PEAK1: variants seen among roughly 807,000 people sequenced by gnomAD.
PEAK1 encodes pseudopodium enriched atypical kinase 1.
Under a neutral mutation model 124.7 loss-of-function variants are expected in PEAK1, and 54 were observed. That is an observed-to-expected ratio of 0.43 (90% CI 0.35 to 0.54). The LOEUF is 0.54. Among genes scored for constraint, PEAK1 ranks in the 20% least tolerant of loss-of-function variants. The probability of loss-of-function intolerance (pLI) is 0.01; values close to 1 mark genes in which losing one functional copy is unlikely to be tolerated. For synonymous variants in PEAK1, 719 were observed against 760.0 expected, an observed-to-expected ratio of 0.95 and a Z score of 0.89; for missense variants, 2,046 against 2,134.5, an observed-to-expected ratio of 0.96 and a Z score of 0.82.
chr15:77,278,587 TA>T, intron 5 of PEAK1: 3 of 503,678 alleles, frequency 6.0e-6, no homozygotes, highest in Non-Finnish European at 4.0e-6. Context: ...AGACCAAGCC[TA>T]AAAAGGTCCC....
chr15:77,309,408 A>G (rs2064299702), intron 2 of PEAK1, among the ~76,000 whole-genome samples: 1 of 152,062 alleles, frequency 6.6e-6, no homozygotes, highest in Admixed American at 6.5e-5. Flanking sequence ...ATAATTAATG[A>G]CAGAATGTGC....
At chr15:77,203,267 T>C (rs1386448792) in intron 6 of PEAK1, among the ~76,000 whole-genome samples, 1 of 151,986 alleles carries the variant, frequency 6.6e-6, no homozygotes, top group East Asian at 1.9e-4. Flanking sequence ...TTGAAAAAAA[T>C]CTGCATGTAA....
chr15:77,407,920 TATAC>T (rs950979144), intron 1 of PEAK1, among the ~76,000 whole-genome samples: 36 of 150,024 alleles, frequency 2.4e-4, no homozygotes, highest in Non-Finnish European at 8.9e-5. Flanking sequence ...TATACACATA[TATAC>T]ATATATACAC....
chr15:77,348,978 C>T (rs2067043547), intron 2 of PEAK1: 1 of 938,782 alleles, frequency 1.1e-6, no homozygotes, highest in African/African-American at 1.8e-5. Flanking sequence ...GCCTTTCTTA[C>T]TTATAATTTA....
intron 2 of PEAK1, among the ~76,000 whole-genome samples, chr15:77,354,721 T>C: frequency 6.6e-6 from 1 of 152,168 alleles, no homozygotes; most frequent in Admixed American, 6.6e-5. Flanking sequence ...AAGTACGTTT[T>C]TGTCCATTAA....
At chr15:77,209,993 T>A (rs2058830014) in intron 6 of PEAK1, among the ~76,000 whole-genome samples, 1 of 152,246 alleles carries the variant, frequency 6.6e-6, no homozygotes, top group Non-Finnish European at 1.5e-5. Context: ...GCTCTGACAC[T>A]TTCCCTTTCT....
intron 7 of PEAK1, among the ~76,000 whole-genome samples, chr15:77,163,151 T>C (rs2055809537): frequency 6.6e-6 from 1 of 152,238 alleles, no homozygotes; most frequent in South Asian, 2.1e-4. Context: ...GCGTTCCTTC[T>C]GCTTTCACAG....
chr15:77,337,469 C>T (rs1380833032), intron 2 of PEAK1: 1 of 981,762 alleles, frequency 1.0e-6, no homozygotes, highest in Non-Finnish European at 1.2e-6. Flanking sequence ...GTAACATCAT[C>T]CAGAGATTAA....
At chr15:77,411,583 A>G (rs2072415883) in intron 1 of PEAK1, among the ~76,000 whole-genome samples, 1 of 152,154 alleles carries the variant, frequency 6.6e-6, no homozygotes, top group African/African-American at 2.4e-5. Flanking sequence ...TCATGTCCAC[A>G]TTCTCTAATA....
chr15:77,335,084 C>T (rs1165458127), intron 2 of PEAK1: 1 of 985,294 alleles, frequency 1.0e-6, no homozygotes, highest in East Asian at 1.1e-4. Context: ...TATAAGCAAA[C>T]TCTAGATCTA....
At chr15:77,300,939 C>G (rs1401890411) in intron 2 of PEAK1, among the ~76,000 whole-genome samples, 1 of 152,070 alleles carries the variant, frequency 6.6e-6, no homozygotes, top group Non-Finnish European at 1.5e-5. Context: ...GCAACCTCCG[C>G]CTTCCAGGTT....
At chr15:77,349,677 A>C (rs2067089835) in intron 2 of PEAK1, 3 of 984,614 alleles carry the variant, frequency 3.0e-6, no homozygotes, top group South Asian at 9.4e-5. Flanking sequence ...TCAATCCTTT[A>C]CATTGTCCTT....
chr15:77,407,134 G>C (rs2071892442), intron 1 of PEAK1, among the ~76,000 whole-genome samples: 1 of 152,140 alleles, frequency 6.6e-6, no homozygotes, highest in Non-Finnish European at 1.5e-5. Context: ...ATGAATCAAA[G>C]ATGTACATCT....
chr15:77,329,529 A>G (rs1025448891), intron 2 of PEAK1, among the ~76,000 whole-genome samples: 4 of 152,204 alleles, frequency 2.6e-5, no homozygotes, highest in African/African-American at 9.6e-5. Flanking sequence ...AGTTAGAGTA[A>G]GCAGGTTTAT....
intron 6 of PEAK1, among the ~76,000 whole-genome samples, chr15:77,200,967 A>G (rs1235650816): frequency 6.6e-6 from 1 of 151,960 alleles, no homozygotes; most frequent in Non-Finnish European, 1.5e-5. Flanking sequence ...TCTGGAGTAA[A>G]ATATATTATT....
At chr15:77,248,449 A>G (rs531347266) in intron 6 of PEAK1, among the ~76,000 whole-genome samples, 93 of 152,294 alleles carry the variant, frequency 6.1e-4, no homozygotes, top group Admixed American at 1.6e-3. Flanking sequence ...CTAATCCCCA[A>G]TGTGTTGTCA....
chr15:77,213,417 C>T lies in PEAK1; in HGVS notation c.-114-31377G>A, dbSNP rs115021966. On this transcript the variant is annotated intron_variant, in intron 6 of 9. Transcript: ENST00000682557. ...GTTTTGAAAACAGATGGCAGCCGGA[C>T]GCGGTGGCTCATGACTGTAATCCCA... is the stretch of plus-strand genomic sequence containing the variant. Among the ~76,000 whole-genome samples, 277 of 152,196 alleles carry T rather than the reference C, an allele frequency of 1.8e-3. 2 individuals are homozygous for T. The highest frequency in any genetic ancestry group is 5.5e-3 in the African/African-American group (227 of 41,538).
chr15:77,420,165 C>CGCCCGCCCAGCCCACCAGCCT (rs1198128372), upstream of PEAK1: 319 of 150,806 alleles, frequency 2.1e-3, 3 homozygotes, highest in African/African-American at 7.2e-3. Flanking sequence ...GGCCGCTCGC[C>CGCCCGCCCAGCCCACCAGCCT]GCCCGCCCAG....
chr15:77,337,903 A>G (rs1173254148), intron 2 of PEAK1: 1 of 984,950 alleles, frequency 1.0e-6, no homozygotes, highest in Non-Finnish European at 1.2e-6. Context: ...TCATTAAATT[A>G]CAGCTAAATC....
Sources: allele counts gnomAD v4.1 joint callset (sites outside exome capture counted in the v4.1 genomes callset), GRCh38; gene constraint gnomAD v4.1.1; transcripts MANE v1.5; gene names NCBI Gene and HGNC (gene_info 2026-07-23, HGNC 2026-07-21).